The following SSX2IP variants were observed in gnomAD, a reference collection of about 807,000 sequenced individuals.
SSX2IP encodes the protein afadin- and alpha-actinin-binding protein.
A neutral mutation model predicts 84.9 loss-of-function variants in SSX2IP; 55 were observed. The observed-to-expected ratio is 0.65, with a 90% CI of 0.52 to 0.81. SSX2IP has a LOEUF of 0.81. SSX2IP is among the 30% of genes least tolerant of loss of function. SSX2IP has a pLI of 0.00. For missense variants in SSX2IP, 664 were observed against 705.2 expected, an observed-to-expected ratio of 0.94 and a Z score of 0.66; for synonymous variants, 239 against 234.7, an observed-to-expected ratio of 1.02 and a Z score of -0.17.
chr1:84,670,966 G>T, intron 2 of SSX2IP, 151 bp from the exon 3 acceptor site: 1 of 860,430 alleles, frequency 1.2e-6, no homozygotes, highest in Non-Finnish European at 1.7e-6. Context: ...TTCAAATTAG[G>T]GCAAAGCCTC....
In SSX2IP at chr1:84,677,567, T is replaced by C. The variant is rs370823107; in HGVS notation, c.-89-6259A>G. Among the ~76,000 whole-genome samples, 7 of 152,304 alleles carry C rather than the reference T, an allele frequency of 4.6e-5. No individual in the cohort carries two copies. In the East Asian group the frequency reaches 1.2e-3, roughly 25 times the overall value. Reference sequence around the variant, plus strand: ...TTCCTTGAGTATGGGCTAGATTTATTGACTAGCTTCCAACAAACAGAATAT... The same window carrying C: ...TTCCTTGAGTATGGGCTAGATTTATCGACTAGCTTCCAACAAACAGAATAT... On this transcript the variant is annotated intron_variant, in intron 1 of 13. Transcript: ENST00000342203.
chr1:84,659,990 AC>A (rs1477176633), intron 8 of SSX2IP, among the ~76,000 whole-genome samples: 1 of 151,836 alleles, frequency 6.6e-6, no homozygotes, highest in Non-Finnish European at 1.5e-5. Context: ...GGGCAACAAG[AC>A]CCTGCCTCTA....
rs1247463737 is a variant in SSX2IP at position 84,651,214 on chromosome 1, G to A, written c.1504+669C>T. The stretch of plus-strand genomic sequence containing the variant: ...TGCCTATAGTCTCAGCTACTCAGGA[G>A]GCTGAGGCAAGGAGGATTGCCTGAG... On this transcript the variant is annotated intron_variant, in intron 12 of 13. Transcript: ENST00000342203. Among the ~76,000 whole-genome samples the A allele has an allele frequency of 3.9e-5, 6 of 152,208 alleles. No individual in the cohort carries two copies. In the East Asian group the frequency reaches 7.8e-4, roughly 20 times the overall value.
rs552692029 is a variant in SSX2IP at position 84,645,635 on chromosome 1, T to C, written c.*1798A>G. ...ACCATGGAAAACCCTCGGGGGAAAA[T>C]TGTTGCCAAATGTATCCATTAACTG... On this transcript the variant is annotated 3_prime_UTR_variant, in exon 14 of 14. Coordinates refer to ENST00000342203, the MANE Select transcript of SSX2IP (RefSeq NM_001166293.2). The C allele has an allele frequency of 2.6e-5, 4 of 152,280 alleles. No homozygotes were observed. In the South Asian group the frequency reaches 6.2e-4, roughly 24 times the overall value. 9.4% of individuals were successfully genotyped at this position (152,280 alleles called of 1,614,324 possible).
chr1:84,674,352 T>A (rs925514863), intron 1 of SSX2IP, among the ~76,000 whole-genome samples: 3 of 152,112 alleles, frequency 2.0e-5, no homozygotes, highest in South Asian at 2.1e-4. Context: ...CTAAAACCTA[T>A]AACAAAATGT....
intron 1 of SSX2IP, among the ~76,000 whole-genome samples, chr1:84,688,479 G>C (rs1004283724): frequency 1.3e-5 from 2 of 152,140 alleles, no homozygotes; most frequent in African/African-American, 4.8e-5. Flanking sequence ...ACAATTTGGG[G>C]GCGGTGTCTT....
chr1:84,682,112 A>C (rs914011379), intron 1 of SSX2IP, among the ~76,000 whole-genome samples: 15 of 152,258 alleles, frequency 9.9e-5, no homozygotes, highest in African/African-American at 3.4e-4. Context: ...AGAGCAGCTC[A>C]CAAAGTTAAA....
At position 84,647,293 on chromosome 1, in the gene SSX2IP, G is replaced by T; in HGVS notation, c.*140C>A. On this transcript the variant is annotated 3_prime_UTR_variant, in exon 14 of 14. Transcript: ENST00000342203. ...AATAGATTTAAGATTTCAACTCTTTGGGGGAAGACAGGGAAGTCCAAACAA... is the reference window on the plus strand; with the variant it reads ...AATAGATTTAAGATTTCAACTCTTTTGGGGAAGACAGGGAAGTCCAAACAA... The T allele has an allele frequency of 1.6e-6, 1 of 625,200 alleles. No homozygotes were observed. The allele number at this position is 625,200 out of a possible 1,614,324, so 38.7% of individuals were successfully genotyped here.
intron 5 of SSX2IP, among the ~76,000 whole-genome samples, chr1:84,665,865 C>T (rs1652709433): frequency 6.6e-6 from 1 of 152,172 alleles, no homozygotes; most frequent in Non-Finnish European, 1.5e-5. Flanking sequence ...CCAGGAAGGG[C>T]AGTCCAGGAC....
intron 3 of SSX2IP, chr1:84,670,323 G>C (rs1463841670): frequency 5.3e-6 from 1 of 187,916 alleles, no homozygotes; most frequent in African/African-American, 2.3e-5. Flanking sequence ...AAAGGACAAA[G>C]AGTTAAGAGG....
At chr1:84,687,027 T>A (rs1046928291) in intron 1 of SSX2IP, among the ~76,000 whole-genome samples, 3 of 152,210 alleles carry the variant, frequency 2.0e-5, no homozygotes, top group Admixed American at 2.0e-4. Flanking sequence ...CTTACTCAAT[T>A]ACAGCATTTT....
chr1:84,683,985 C>T (rs530751113), intron 1 of SSX2IP, among the ~76,000 whole-genome samples: 1 of 152,214 alleles, frequency 6.6e-6, no homozygotes, highest in South Asian at 2.1e-4. Context: ...TAAAAGTCAG[C>T]TAAGAAGTCC....
At chr1:84,686,031 A>G (rs1162980105) in intron 1 of SSX2IP, among the ~76,000 whole-genome samples, 1 of 152,230 alleles carries the variant, frequency 6.6e-6, no homozygotes. Flanking sequence ...TTCTTTTAGA[A>G]CAATATTTCT....
intron 11 of SSX2IP, among the ~76,000 whole-genome samples, chr1:84,654,535 T>C (rs1650787923): frequency 6.6e-6 from 1 of 151,994 alleles, no homozygotes; most frequent in Non-Finnish European, 1.5e-5. Flanking sequence ...CAATTACTAA[T>C]ATAGCGAATT....
At chr1:84,687,078 T>C (rs1164447089) in intron 1 of SSX2IP, among the ~76,000 whole-genome samples, 1 of 152,224 alleles carries the variant, frequency 6.6e-6, no homozygotes, top group Non-Finnish European at 1.5e-5. Context: ...AAGTATGAGC[T>C]ATTTTTCCAG....
At chr1:84,673,200 A>G (rs889712026) in intron 1 of SSX2IP, among the ~76,000 whole-genome samples, 3 of 152,214 alleles carry the variant, frequency 2.0e-5, no homozygotes, top group African/African-American at 7.2e-5. Context: ...ATAACTAAAA[A>G]GAAAATAAAA....
At position 84,683,188 on chromosome 1, in the gene SSX2IP, C is replaced by T. The variant is rs1370948154; in HGVS notation, c.-90+7183G>A. 4.6e-5 allele frequency among the ~76,000 whole-genome samples: 7 copies of T among 151,516 alleles called. No homozygotes were observed. In the South Asian group the frequency reaches 6.3e-4, roughly 14 times the overall value. On this transcript the variant is annotated intron_variant, in intron 1 of 13. Coordinates refer to ENST00000342203, the MANE Select transcript of SSX2IP (RefSeq NM_001166293.2). ...TAAGTTTTGGGATACATGTGCAGAACGTGCAGGTTTGCTGCACCTATCAAT... is the reference window on the plus strand; with the variant it reads ...TAAGTTTTGGGATACATGTGCAGAATGTGCAGGTTTGCTGCACCTATCAAT...
intron 1 of SSX2IP, among the ~76,000 whole-genome samples, chr1:84,688,855 T>C (rs1044367333): frequency 1.3e-5 from 2 of 152,226 alleles, no homozygotes; most frequent in Admixed American, 6.5e-5. Flanking sequence ...ATCTTCCCTG[T>C]ACAGTTGGGG....
intron 3 of SSX2IP, chr1:84,670,442 A>G (rs1358150467): frequency 2.9e-6 from 1 of 339,448 alleles, no homozygotes; most frequent in Non-Finnish European, 5.3e-6. Context: ...CCCCTGGGAC[A>G]ATGAGGAGGC....
Sources: allele counts gnomAD v4.1 joint callset (sites outside exome capture counted in the v4.1 genomes callset), GRCh38; gene constraint gnomAD v4.1.1; transcripts MANE v1.5; gene names NCBI Gene and HGNC (gene_info 2026-07-23, HGNC 2026-07-21).